The following MCPH1 variants were observed in gnomAD, a reference collection of about 807,000 sequenced individuals.
MCPH1 encodes microcephalin.
MCPH1 carries 104 observed loss-of-function variants against 84.5 expected under a neutral mutation model. The observed-to-expected ratio is 1.23, with a 90% CI of 1.05 to 1.45. The LOEUF is 1.45. Ranked by LOEUF, MCPH1 falls within the 40% of genes most tolerant of loss-of-function variation. The pLI is 0.00. For synonymous variants in MCPH1, 514 were observed against 366.8 expected (o/e 1.40, Z -4.58); for missense variants, 1,498 against 1,005.7 (o/e 1.49, Z -6.62).
At chr8:6,585,108 T>G (rs1176935205) in intron 12 of MCPH1, among the ~76,000 whole-genome samples, 1 of 152,196 alleles carries the variant, frequency 6.6e-6, no homozygotes, top group African/African-American at 2.4e-5. Flanking sequence ...AAAACTGTAT[T>G]TTTCTAATAT....
intron 12 of MCPH1, chr8:6,503,049 G>C: frequency 1.9e-6 from 3 of 1,604,958 alleles, no homozygotes; most frequent in Non-Finnish European, 2.6e-6. Context: ...AGTGCACTGG[G>C]CTTAAGTCTT....
chr8:6,615,513 G>C (rs941274579), intron 12 of MCPH1: 2 of 152,352 alleles, frequency 1.3e-5, no homozygotes, highest in African/African-American at 4.8e-5. Context: ...GTTGGGGGCA[G>C]GAGGCAGGTG....
chr8:6,624,459 A>ACCTCTCCAGTGTACCAGG (rs1475318873), intron 13 of MCPH1, among the ~76,000 whole-genome samples: 1 of 151,748 alleles, frequency 6.6e-6, no homozygotes, highest in African/African-American at 2.4e-5. Context: ...AGTGTAGTAG[A>ACCTCTCCAGTGTACCAGG]CCTCTCCAGT....
At chr8:6,543,408 G>A (rs1376105122) in intron 12 of MCPH1, among the ~76,000 whole-genome samples, 1 of 152,122 alleles carries the variant, frequency 6.6e-6, no homozygotes, top group Admixed American at 6.6e-5. Flanking sequence ...TCCTGGGTTA[G>A]AGTAAATGGA....
rs1412786825 is a variant in MCPH1 at position 6,445,249 on chromosome 8, T to G, written c.1527T>G (p.Cys509Trp). 2.5e-6 allele frequency: 4 copies of G among 1,614,204 alleles called. No homozygotes were observed. In the East Asian group the frequency reaches 8.9e-5, roughly 36 times the overall value. Residue 509 changes from cysteine to tryptophan, a missense_variant, in exon 8 of 14, where the codon TGT becomes TGG. Physicochemically the swap from Cys to Trp is radical, Grantham distance 215. Coordinates refer to ENST00000344683, the MANE Select transcript of MCPH1 (RefSeq NM_024596.5). ...VTSAPEEALR[C>W]CRQAGKEDAC... ...CTGCCCCTGAAGAAGCCCTAAGGTG[T>G]TGTAGACAGGCTGGGAAAGAAGACG...
intron 13 of MCPH1, chr8:6,635,040 G>C (rs1458792354): frequency 6.6e-6 from 1 of 152,194 alleles, no homozygotes; most frequent in Non-Finnish European, 1.5e-5. Context: ...GCCTACGACT[G>C]TGTTCAGTGA....
chr8:6,429,841 A>G (rs1224564986), intron 3 of MCPH1, among the ~76,000 whole-genome samples: 1 of 152,110 alleles, frequency 6.6e-6, no homozygotes, highest in Non-Finnish European at 1.5e-5. Flanking sequence ...TGGACCAGTG[A>G]TCTGCCCACG....
At chr8:6,512,041 G>C (rs937430887) in intron 12 of MCPH1, among the ~76,000 whole-genome samples, 2 of 151,764 alleles carry the variant, frequency 1.3e-5, no homozygotes, top group African/African-American at 4.8e-5. Context: ...AGTCAAGTTG[G>C]AACTGCTGTG....
chr8:6,568,632 C>A (rs1172035788), intron 12 of MCPH1, among the ~76,000 whole-genome samples: 2 of 152,204 alleles, frequency 1.3e-5, no homozygotes, highest in Non-Finnish European at 2.9e-5. Flanking sequence ...AAAAGCCCTG[C>A]CGAGCTGAAA....
chr8:6,577,518 T>C lies in MCPH1; in HGVS notation c.2215-43936T>C, dbSNP rs546640164. 4.3e-4 allele frequency among the ~76,000 whole-genome samples: 65 copies of C among 152,374 alleles called. 1 individual carries two copies. The highest frequency in any genetic ancestry group is 1.5e-3 in the African/African-American group (61 of 41,592). ...CCTTCCAGATAATTTTTCAAGATTATATGCACGTATTCTGCCATTCCTTTT... is the reference window on the plus strand; with the variant it reads ...CCTTCCAGATAATTTTTCAAGATTACATGCACGTATTCTGCCATTCCTTTT... On this transcript the variant is annotated intron_variant, in intron 12 of 13. Coordinates refer to ENST00000344683, the MANE Select transcript of MCPH1 (RefSeq NM_024596.5).
At chr8:6,611,609 C>G (rs764991049) in intron 12 of MCPH1, among the ~76,000 whole-genome samples, 1 of 144,496 alleles carries the variant, frequency 6.9e-6, no homozygotes, top group Non-Finnish European at 1.5e-5. Context: ...AACCCTTTAA[C>G]GTCAGGATTT....
At chr8:6,470,662 C>T (rs1807601554) in intron 9 of MCPH1, among the ~76,000 whole-genome samples, 1 of 152,218 alleles carries the variant, frequency 6.6e-6, no homozygotes, top group Non-Finnish European at 1.5e-5. Context: ...TTCATGAATA[C>T]AAGTAAACCC....
intron 2 of MCPH1, among the ~76,000 whole-genome samples, chr8:6,410,313 G>A (rs1329936496): frequency 6.6e-6 from 1 of 151,950 alleles, no homozygotes; most frequent in Non-Finnish European, 1.5e-5. Context: ...CTAGAATGGA[G>A]TAATTTTAAA....
chr8:6,539,625 C>G (rs930085494), intron 12 of MCPH1, among the ~76,000 whole-genome samples: 1 of 152,102 alleles, frequency 6.6e-6, no homozygotes, highest in African/African-American at 2.4e-5. Context: ...CTCGCTCTGT[C>G]TCTCAGGCTG....
intron 12 of MCPH1, among the ~76,000 whole-genome samples, chr8:6,545,151 G>C (rs1281346385): frequency 2.0e-5 from 3 of 152,100 alleles, no homozygotes; most frequent in Non-Finnish European, 4.4e-5. Context: ...AAAGGTGATA[G>C]AAGTCAGAAT....
intron 13 of MCPH1, among the ~76,000 whole-genome samples, chr8:6,641,571 T>C (rs1005493657): frequency 6.6e-6 from 1 of 152,076 alleles, no homozygotes; most frequent in African/African-American, 2.4e-5. Context: ...AAGTGAGACA[T>C]TGGCTCTACA....
chr8:6,628,883 T>G (rs1796957366), intron 13 of MCPH1, among the ~76,000 whole-genome samples: 1 of 152,206 alleles, frequency 6.6e-6, no homozygotes, highest in Non-Finnish European at 1.5e-5. Flanking sequence ...TAATTCATGC[T>G]TTGGGTTATG....
chr8:6,456,354 G>T (rs187439043), intron 9 of MCPH1, among the ~76,000 whole-genome samples: 2 of 152,298 alleles, frequency 1.3e-5, no homozygotes, highest in Admixed American at 6.5e-5. Context: ...CCTCCCAGGG[G>T]TGGGGCCCTT....
intron 2 of MCPH1, among the ~76,000 whole-genome samples, chr8:6,410,267 C>A (rs541006815): frequency 2.0e-5 from 3 of 151,858 alleles, no homozygotes; most frequent in Admixed American, 6.6e-5. Flanking sequence ...AGCCACCGAG[C>A]CCGGCCAGGA....
Sources: gnomAD v4.1 joint callset for allele counts (sites outside exome capture counted in the v4.1 genomes callset) on GRCh38, gnomAD v4.1.1 for gene constraint, MANE v1.5 for transcripts, NCBI Gene and HGNC (gene_info 2026-07-23, HGNC 2026-07-21) for gene names.